Variants in GPC4 observed in about 807,000 individuals in gnomAD.
The protein encoded by GPC4 is glypican 4.
A neutral mutation model predicts 35.0 loss-of-function variants in GPC4; 10 were observed. That is an observed-to-expected ratio of 0.29 (90% CI 0.18 to 0.48). The LOEUF (loss-of-function observed/expected upper bound fraction) is 0.48. Among genes scored for constraint, GPC4 ranks in the 20% least tolerant of loss-of-function variants. The pLI is 0.99. For synonymous variants in GPC4, 167 were observed against 170.2 expected (o/e 0.98, Z 0.15); for missense variants, 322 against 451.3 (o/e 0.71, Z 2.60).
At chrX:133,328,970 T>C (rs2068406384) in intron 2 of GPC4, among the ~76,000 whole-genome samples, 1 of 112,106 alleles carries the variant, frequency 8.9e-6, no homozygotes, top group Admixed American at 9.5e-5. Context: ...GATCAGCGTT[T>C]ATTTCCCCTT....
rs765667667 is a variant in GPC4 at position 133,339,238 on chromosome X, G to A, written c.264C>T (p.Ser88=). The A allele has an allele frequency of 3.3e-6, 4 of 1,209,672 alleles. No homozygotes were observed. In the Admixed American group the frequency reaches 6.6e-5, roughly 20 times the overall value. The part of the protein sequence containing the change: ...QSKDDFKSVV[S]EQCNHLQAVF... ...CAGCTTGCAAATGATTGCACTGTTC[G>A]CTGACCACACTTTTGAAATCATCTT... The change falls in exon 2 of 9, where the codon AGC becomes AGT. Residue 88 remains serine, a synonymous_variant. Transcript: ENST00000370828.
At chrX:133,310,669 A>T (rs1169102296) in intron 4 of GPC4, among the ~76,000 whole-genome samples, 1 of 112,289 alleles carries the variant, frequency 8.9e-6, no homozygotes, top group African/African-American at 3.2e-5. Context: ...CACCTGATCC[A>T]AATAACAAAT....
intron 1 of GPC4, among the ~76,000 whole-genome samples, chrX:133,354,859 C>T (rs1182081453): frequency 2.7e-5 from 3 of 111,760 alleles, no homozygotes; most frequent in East Asian, 2.8e-4. Context: ...TGAGCCACCG[C>T]GCCCGGCCAT....
intron 2 of GPC4, among the ~76,000 whole-genome samples, chrX:133,337,039 G>C (rs571448839): frequency 2.7e-5 from 3 of 111,034 alleles, no homozygotes; most frequent in African/African-American, 9.8e-5. Context: ...GGCTGGTCTC[G>C]AACTCCTGGG....
chrX:133,306,165 G>A lies in GPC4; in HGVS notation c.878-11C>T, dbSNP rs201458553. ...CCATCAGCATAGCATCTAATATGAG[G>A]TTTGGGGAAGAACAATACAGCATAA... On this transcript the variant is annotated splice_polypyrimidine_tract_variant and intron_variant, in intron 4 of 8. Transcript: ENST00000370828. The A allele has an allele frequency of 3.1e-5, 37 of 1,208,458 alleles. No individual in the cohort carries two copies. Among genetic ancestry groups the A allele is most frequent in the Non-Finnish European group, 3.0e-5 (27 of 894,142 alleles).
chrX:133,373,036 G>C (rs954343349), intron 1 of GPC4, among the ~76,000 whole-genome samples: 6 of 111,880 alleles, frequency 5.4e-5, no homozygotes, highest in African/African-American at 2.0e-4. Context: ...ACTGACAATA[G>C]GAGTGTACTG....
chrX:133,337,398 T>C (rs1263461440), intron 2 of GPC4, among the ~76,000 whole-genome samples: 3 of 111,602 alleles, frequency 2.7e-5, no homozygotes, highest in Admixed American at 9.5e-5. Flanking sequence ...GGGAAAAGAA[T>C]AGCTAAACCA....
chrX:133,379,901 T>C (rs771870928), intron 1 of GPC4, among the ~76,000 whole-genome samples: 2 of 111,544 alleles, frequency 1.8e-5, no homozygotes, highest in Non-Finnish European at 3.8e-5. Flanking sequence ...CAATCCTAAA[T>C]AGCAAACAAT....
intron 1 of GPC4, among the ~76,000 whole-genome samples, chrX:133,387,308 T>C (rs1469171810): frequency 8.9e-6 from 1 of 111,859 alleles, no homozygotes; most frequent in East Asian, 2.8e-4. Flanking sequence ...TTCAATTATA[T>C]GCTGCGAATA....
At chrX:133,381,662 T>C (rs1314192459) in intron 1 of GPC4, among the ~76,000 whole-genome samples, 3 of 112,756 alleles carry the variant, frequency 2.7e-5, no homozygotes, top group Non-Finnish European at 5.6e-5. Context: ...TGTGTATTTC[T>C]TAACCATTTA....
Position 133,300,714 on chromosome X carries a change from A to C in GPC4, c.*2153T>G, listed in dbSNP as rs1367044208. 8.9e-6 allele frequency: 1 copy of C among 112,411 alleles called. No homozygotes were observed. Among genetic ancestry groups the C allele is most frequent in the Non-Finnish European group, 1.9e-5 (1 of 53,291 alleles). The allele number at this position is 112,411 out of a possible 1,213,427, so 9.3% of individuals were successfully genotyped here. ...AATTTGGAAAATGTTATTGGTTTAG[A>C]GAATTTGACTGGAAGAAAACAGCTG... is the stretch of plus-strand genomic sequence containing the variant. On this transcript the variant is annotated 3_prime_UTR_variant, in exon 9 of 9. Transcript: ENST00000370828.
chrX:133,355,047 A>G (rs1407116893), intron 1 of GPC4, among the ~76,000 whole-genome samples: 1 of 112,272 alleles, frequency 8.9e-6, no homozygotes, highest in East Asian at 2.8e-4. Flanking sequence ...CCAGCATTAT[A>G]AGACCTGATT....
chrX:133,379,716 T>C (rs2068652376), intron 1 of GPC4, among the ~76,000 whole-genome samples: 1 of 111,512 alleles, frequency 9.0e-6, no homozygotes, highest in African/African-American at 3.3e-5. Context: ...TTACAGGGTT[T>C]TGTGAGGATT....
chrX:133,312,989 T>C (rs750896952), intron 3 of GPC4, among the ~76,000 whole-genome samples: 157 of 112,024 alleles, frequency 1.4e-3, no homozygotes, highest in Non-Finnish European at 2.5e-3. Context: ...TGTCTCCTCT[T>C]TCTCTCTGCC....
chrX:133,307,890 G>A (rs1189675685), intron 4 of GPC4, among the ~76,000 whole-genome samples: 1 of 112,252 alleles, frequency 8.9e-6, no homozygotes, highest in Non-Finnish European at 1.9e-5. Flanking sequence ...GTGAAAGACT[G>A]AAAGGAAACA....
At chrX:133,407,602 A>G (rs1288535812) in intron 1 of GPC4, among the ~76,000 whole-genome samples, 1 of 111,637 alleles carries the variant, frequency 9.0e-6, no homozygotes, top group Non-Finnish European at 1.9e-5. Context: ...CTCCCTAGAT[A>G]GGTTGGACTC....
intron 1 of GPC4, among the ~76,000 whole-genome samples, chrX:133,390,848 G>C (rs758112490): frequency 1.7e-4 from 19 of 111,420 alleles, no homozygotes; most frequent in African/African-American, 6.2e-4. Context: ...CTCACTTGCT[G>C]AATGCCCATC....
intron 6 of GPC4, 54 bp from the exon 7 acceptor site, chrX:133,304,915 T>C (rs1603054204): frequency 8.9e-7 from 1 of 1,128,172 alleles, no homozygotes; most frequent in Non-Finnish European, 1.2e-6. Flanking sequence ...AAGACAAAAC[T>C]ACCTACAAGT....
intron 1 of GPC4, among the ~76,000 whole-genome samples, chrX:133,382,382 T>C (rs371395732): frequency 8.9e-3 from 528 of 59,461 alleles, no homozygotes; most frequent in Middle Eastern, 0.056. Flanking sequence ...GCTAAGATCG[T>C]GCCACTGCAC....
Sources: gnomAD v4.1 joint callset for allele counts (sites outside exome capture counted in the v4.1 genomes callset) on GRCh38, gnomAD v4.1.1 for gene constraint, MANE v1.5 for transcripts, NCBI Gene and HGNC (gene_info 2026-07-23, HGNC 2026-07-21) for gene names.